LRRC1: variants seen among roughly 807,000 people sequenced by gnomAD.
The protein encoded by LRRC1 is leucine rich repeat containing 1, also known as leucine-rich repeat-containing protein 1.
A neutral mutation model predicts 69.9 loss-of-function variants in LRRC1; 28 were observed. The ratio of observed to expected loss-of-function variants is 0.40; its 90% CI spans 0.30 to 0.55. The LOEUF (loss-of-function observed/expected upper bound fraction) is 0.55, where lower values mean the gene tolerates loss of function less well. Ranked by LOEUF, LRRC1 falls within the 20% of genes least tolerant of loss-of-function variation. LRRC1 has a pLI of 0.47. For missense variants in LRRC1, 498 were observed against 609.0 expected (o/e 0.82, Z 1.92); for synonymous variants, 236 against 240.2 (o/e 0.98, Z 0.16).
chr6:53,884,102 A>T (rs774194582), intron 4 of LRRC1: 2 of 689,112 alleles, frequency 2.9e-6, no homozygotes, highest in Non-Finnish European at 5.3e-6. Context: ...AGCCCTCAAT[A>T]CACTCTAGGT....
At position 53,795,232 on chromosome 6, in the gene LRRC1, C is replaced by G. The variant is rs1205366303; in HGVS notation, c.-25C>G. On this transcript the variant is annotated 5_prime_UTR_variant, in exon 1 of 14. Coordinates refer to ENST00000370888, the MANE Select transcript of LRRC1 (RefSeq NM_018214.5). Reference sequence around the variant, plus strand: ...GCCCGGGTCTCCGCCGCTCGGGACCCGGCTAGGCGGCGGCGGGGGCGGCGA... The same window carrying G: ...GCCCGGGTCTCCGCCGCTCGGGACCGGGCTAGGCGGCGGCGGGGGCGGCGA... 2 of 1,582,206 alleles carry G rather than the reference C, an allele frequency of 1.3e-6. No homozygotes were observed. The highest frequency in any genetic ancestry group is 1.7e-6 in the Non-Finnish European group (2 of 1,168,164).
At chr6:53,835,885 A>T (rs1330762940) in intron 1 of LRRC1, among the ~76,000 whole-genome samples, 3 of 151,920 alleles carry the variant, frequency 2.0e-5, no homozygotes, top group Non-Finnish European at 4.4e-5. Context: ...TTTTAACATG[A>T]TTTTTGCCAT....
At chr6:53,845,274 C>G (rs187468152) in intron 2 of LRRC1, among the ~76,000 whole-genome samples, 20 of 152,240 alleles carry the variant, frequency 1.3e-4, no homozygotes, top group African/African-American at 4.6e-4. Context: ...TTTACTGTAA[C>G]CAACAGGTAT....
Position 53,892,818 on chromosome 6 carries a change from C to T in LRRC1, c.447-3680C>T, listed in dbSNP as rs575727465. Among the ~76,000 whole-genome samples the T allele has an allele frequency of 2.0e-5, 3 of 152,322 alleles. No homozygotes were observed. In the South Asian group the frequency reaches 6.2e-4, roughly 32 times the overall value. On this transcript the variant is annotated intron_variant, in intron 4 of 13. Coordinates refer to ENST00000370888, the MANE Select transcript of LRRC1 (RefSeq NM_018214.5). ...TTGGTGAAGGACTGTCCAAGGCAAGCTACTGATGTGAACCAAACCCATAGT... is the reference window on the plus strand; with the variant it reads ...TTGGTGAAGGACTGTCCAAGGCAAGTTACTGATGTGAACCAAACCCATAGT...
intron 1 of LRRC1, among the ~76,000 whole-genome samples, chr6:53,815,259 G>A (rs1019594627): frequency 6.6e-6 from 1 of 152,010 alleles, no homozygotes; most frequent in Non-Finnish European, 1.5e-5. Context: ...GGTTGAATGG[G>A]CCTAGGTTCA....
At chr6:53,820,594 C>A (rs556237787) in intron 1 of LRRC1, among the ~76,000 whole-genome samples, 17 of 151,708 alleles carry the variant, frequency 1.1e-4, no homozygotes, top group Non-Finnish European at 1.9e-4. Context: ...AACCTCCCCG[C>A]CCCCATTTTA....
chr6:53,831,344 T>A (rs1476315206), intron 1 of LRRC1, among the ~76,000 whole-genome samples: 1 of 152,162 alleles, frequency 6.6e-6, no homozygotes, highest in East Asian at 1.9e-4. Context: ...TATGTATGCA[T>A]CTGATATTTG....
chr6:53,818,239 T>TAA (rs1212801440), intron 1 of LRRC1, among the ~76,000 whole-genome samples: 1 of 152,236 alleles, frequency 6.6e-6, no homozygotes, highest in Non-Finnish European at 1.5e-5. Flanking sequence ...ATGTGAATGA[T>TAA]ACGGCTTTTT....
chr6:53,896,708 T>A, intron 5 of LRRC1, 121 bp from the exon 6 acceptor site: 14 of 970,690 alleles, frequency 1.4e-5, no homozygotes, highest in Non-Finnish European at 1.9e-5. Context: ...TCCTGTGCAA[T>A]ATTTTCTACC....
chr6:53,815,204 G>A (rs7762326), intron 1 of LRRC1, among the ~76,000 whole-genome samples: 21,021 of 152,112 alleles, frequency 0.14, 1,566 homozygotes, highest in Non-Finnish European at 0.17. Context: ...TGATGCTGAC[G>A]GTCCTGGGGC....
intron 11 of LRRC1, among the ~76,000 whole-genome samples, chr6:53,915,255 C>T (rs1285568777): frequency 6.6e-6 from 1 of 152,132 alleles, no homozygotes; most frequent in Admixed American, 6.5e-5. Flanking sequence ...ATTTTTTACT[C>T]TTGCTAATGG....
intron 2 of LRRC1, among the ~76,000 whole-genome samples, chr6:53,853,378 A>C (rs1447738238): frequency 1.4e-5 from 2 of 147,506 alleles, no homozygotes; most frequent in Non-Finnish European, 3.0e-5. Flanking sequence ...TCTGCCTCCC[A>C]GGTTCAAGTG....
At chr6:53,838,868 TA>T (rs988329360) in intron 1 of LRRC1, among the ~76,000 whole-genome samples, 3 of 152,174 alleles carry the variant, frequency 2.0e-5, no homozygotes, top group African/African-American at 7.2e-5. Flanking sequence ...TTTTATTTTT[TA>T]AAAAAATATG....
At chr6:53,866,941 C>G (rs1266661794) in intron 2 of LRRC1, among the ~76,000 whole-genome samples, 1 of 151,992 alleles carries the variant, frequency 6.6e-6, no homozygotes, top group Non-Finnish European at 1.5e-5. Context: ...TTAGACTGAG[C>G]TGCTGAAGAT....
intron 10 of LRRC1, among the ~76,000 whole-genome samples, chr6:53,910,809 C>T (rs555601296): frequency 6.6e-6 from 1 of 152,230 alleles, no homozygotes; most frequent in African/African-American, 2.4e-5. Context: ...AGCATCCGCT[C>T]CCTCCATCAT....
chr6:53,869,440 A>G (rs1283365587), intron 2 of LRRC1, among the ~76,000 whole-genome samples: 1 of 152,152 alleles, frequency 6.6e-6, no homozygotes, highest in Non-Finnish European at 1.5e-5. Flanking sequence ...AACATTTGGG[A>G]ATCAATTAAA....
intron 1 of LRRC1, among the ~76,000 whole-genome samples, chr6:53,819,593 A>C (rs569613798): frequency 2.0e-5 from 3 of 152,272 alleles, no homozygotes; most frequent in African/African-American, 7.2e-5. Flanking sequence ...AGGATTGTAA[A>C]GTCAATTGGG....
intron 4 of LRRC1, among the ~76,000 whole-genome samples, chr6:53,895,850 G>C (rs1404401867): frequency 6.6e-6 from 1 of 152,186 alleles, no homozygotes; most frequent in African/African-American, 2.4e-5. Context: ...CAGAATAAAA[G>C]CAACATTATT....
At chr6:53,905,546 G>A (rs1383922748) in intron 10 of LRRC1, among the ~76,000 whole-genome samples, 5 of 152,052 alleles carry the variant, frequency 3.3e-5, no homozygotes, top group Non-Finnish European at 7.4e-5. Context: ...ATCACTGGCT[G>A]GGTGTAGTTT....
Sources: gnomAD v4.1 joint callset for allele counts (sites outside exome capture counted in the v4.1 genomes callset) on GRCh38, gnomAD v4.1.1 for gene constraint, MANE v1.5 for transcripts, NCBI Gene and HGNC (gene_info 2026-07-23, HGNC 2026-07-21) for gene names.